The following RFTN2 variants were observed in gnomAD, a reference collection of about 807,000 sequenced individuals.
The protein encoded by RFTN2 is raftlin family member 2, also known as raftlin-2.
In RFTN2, 34 loss-of-function variants were observed where a neutral mutation model predicts 52.7. The ratio of observed to expected loss-of-function variants is 0.64; its 90% confidence interval spans 0.49 to 0.86. The LOEUF (loss-of-function observed/expected upper bound fraction) is 0.86, where lower values mean the gene tolerates loss of function less well. RFTN2 is among the 40% of genes least tolerant of loss of function. The pLI is 0.00. For missense variants in RFTN2, 536 were observed against 600.1 expected, an observed-to-expected ratio of 0.89 and a Z score of 1.12; for synonymous variants, 203 against 217.7, an observed-to-expected ratio of 0.93 and a Z score of 0.59.
At chr2:197,592,426 C>T (rs1290876649) in intron 8 of RFTN2, among the ~76,000 whole-genome samples, 1 of 152,180 alleles carries the variant, frequency 6.6e-6, no homozygotes, top group African/African-American at 2.4e-5. Context: ...AACTCCCGAC[C>T]TCAGATGATC....
At chr2:197,600,389 A>G (rs997567054) in intron 7 of RFTN2, among the ~76,000 whole-genome samples, 1 of 152,138 alleles carries the variant, frequency 6.6e-6, no homozygotes, top group Non-Finnish European at 1.5e-5. Context: ...AATTTGAGAT[A>G]TGTCGGAAAC....
chr2:197,660,072 T>A (rs1490300719), intron 1 of RFTN2, among the ~76,000 whole-genome samples: 1 of 152,222 alleles, frequency 6.6e-6, no homozygotes, highest in East Asian at 1.9e-4. Flanking sequence ...ACTAGGTAAC[T>A]GGCCCAAACT....
At chr2:197,636,280 G>C (rs1453390519) in intron 3 of RFTN2, among the ~76,000 whole-genome samples, 7 of 140,130 alleles carry the variant, frequency 5.0e-5, no homozygotes, top group South Asian at 2.4e-4. Context: ...GTGAAGAAAG[G>C]CATTGGTAGC....
intron 2 of RFTN2, among the ~76,000 whole-genome samples, chr2:197,644,524 G>A (rs1478163180): frequency 2.0e-5 from 3 of 152,170 alleles, no homozygotes; most frequent in Non-Finnish European, 4.4e-5. Flanking sequence ...CTTCATGTCT[G>A]TAGTTTTAAT....
At chr2:197,674,847 A>T (rs1483640479) in intron 1 of RFTN2, among the ~76,000 whole-genome samples, 8 of 151,954 alleles carry the variant, frequency 5.3e-5, no homozygotes, top group African/African-American at 1.9e-4. Flanking sequence ...GGTCAAAAAT[A>T]TCAAATGACT....
In RFTN2 at chr2:197,636,192, T is replaced by C. The variant is rs919533628; in HGVS notation, c.439-2195A>G. Among the ~76,000 whole-genome samples, 529 of 151,822 alleles carry C rather than the reference T, an allele frequency of 3.5e-3. 1 individual carries two copies. The highest frequency in any genetic ancestry group is 5.9e-3 in the Non-Finnish European group (398 of 67,806). ...TAGTGTGATGCCTCCAGCTTTGTTCTTTTGGCTTAGGATTGCCTTGGCGAC... is the reference window on the plus strand; with the variant it reads ...TAGTGTGATGCCTCCAGCTTTGTTCCTTTGGCTTAGGATTGCCTTGGCGAC... On this transcript the variant is annotated intron_variant, in intron 3 of 8. Coordinates refer to ENST00000295049, the MANE Select transcript of RFTN2 (RefSeq NM_144629.3).
At chr2:197,610,543 T>G (rs2088039506) in intron 7 of RFTN2, among the ~76,000 whole-genome samples, 1 of 152,228 alleles carries the variant, frequency 6.6e-6, no homozygotes, top group Non-Finnish European at 1.5e-5. Context: ...AAATATACAA[T>G]CATGTCTTCT....
intron 8 of RFTN2, among the ~76,000 whole-genome samples, chr2:197,589,218 T>TC (rs1559340181): frequency 2.2e-4 from 7 of 31,198 alleles, no homozygotes; most frequent in Non-Finnish European, 3.4e-4. Context: ...TGACTCTGTC[T>TC]CAAAAAAAAA....
intron 3 of RFTN2, 79 bp downstream of exon 3, chr2:197,644,079 A>G (rs1037275944): frequency 9.4e-6 from 8 of 850,214 alleles, no homozygotes; most frequent in Middle Eastern, 4.7e-4. Flanking sequence ...TATTCTTTTT[A>G]GGGTAAAAAA....
intron 8 of RFTN2, among the ~76,000 whole-genome samples, chr2:197,595,132 G>T (rs1463446144): frequency 6.6e-6 from 1 of 152,170 alleles, no homozygotes; most frequent in African/African-American, 2.4e-5. Context: ...GTGACTTGAG[G>T]ATCAGAATAG....
Position 197,651,268 on chromosome 2 carries a change from A to G in RFTN2, c.140-4602T>C, listed in dbSNP as rs914835732. Among the ~76,000 whole-genome samples the G allele has an allele frequency of 2.0e-5, 3 of 152,200 alleles. No individual in the cohort carries two copies. In the East Asian group the frequency reaches 5.8e-4, roughly 29 times the overall value. Reference sequence around the variant, plus strand: ...ATGCACCAAAGCTTTTAAGTTTGATATAGTCCCATTTATCTATTTTTACTT... The same window carrying G: ...ATGCACCAAAGCTTTTAAGTTTGATGTAGTCCCATTTATCTATTTTTACTT... On this transcript the variant is annotated intron_variant, in intron 1 of 8. Transcript: ENST00000295049.
Position 197,633,982 on chromosome 2 carries a change from T to C in RFTN2, c.454A>G (p.Lys152Glu), listed in dbSNP as rs751310403. ...AATCCAACAAATTTCATTCCTCTTT[T>C]AGCAGCGACATTAATCTGATATTTA... ...ELIEKINVAA[K>E]RGMKFVGFIS... The change falls in exon 4 of 9, where the codon AAA becomes GAA. Residue 152 changes from lysine (K) to glutamate (E), a missense_variant. Lys to Glu is a moderately conservative substitution (Grantham distance 56). Coordinates refer to ENST00000295049, the MANE Select transcript of RFTN2 (RefSeq NM_144629.3). 6.8e-6 allele frequency: 11 copies of C among 1,611,266 alleles called. No individual in the cohort carries two copies. In the Admixed American group the frequency reaches 1.5e-4, roughly 22 times the overall value.
intron 8 of RFTN2, among the ~76,000 whole-genome samples, chr2:197,574,641 G>T (rs2087382470): frequency 1.3e-5 from 2 of 152,210 alleles, no homozygotes; most frequent in Non-Finnish European, 2.9e-5. Context: ...GCTGAGACAG[G>T]AGGAACACTT....
At chr2:197,659,437 G>T (rs1383527413) in intron 1 of RFTN2, among the ~76,000 whole-genome samples, 1 of 144,736 alleles carries the variant, frequency 6.9e-6, no homozygotes, top group Non-Finnish European at 1.5e-5. Context: ...AGACCGTGCT[G>T]CTGCACTCCA....
intron 1 of RFTN2, among the ~76,000 whole-genome samples, chr2:197,648,560 G>A (rs1465352558): frequency 6.6e-6 from 1 of 152,104 alleles, no homozygotes; most frequent in East Asian, 1.9e-4. Flanking sequence ...TAACAAAATG[G>A]AAGCAACTCT....
intron 8 of RFTN2, among the ~76,000 whole-genome samples, chr2:197,591,654 G>A (rs1008343480): frequency 9.9e-5 from 15 of 152,180 alleles, no homozygotes; most frequent in African/African-American, 3.6e-4. Flanking sequence ...CACGGTGGTG[G>A]AGCGGGGGGG....
chr2:197,571,452 A>C lies in RFTN2; in HGVS notation c.*556T>G, dbSNP rs2087314975. 6.5e-6 allele frequency: 1 copy of C among 153,482 alleles called. No individual in the cohort carries two copies. Among genetic ancestry groups the C allele is most frequent in the South Asian group, 2.1e-4 (1 of 4,862 alleles). The allele number at this position is 153,482 out of a possible 1,614,324, so 9.5% of individuals were successfully genotyped here. A position where few individuals can be genotyped will look rare whatever the true frequency, so the allele number is the denominator to read the frequency against. On this transcript the variant is annotated 3_prime_UTR_variant, in exon 9 of 9. Coordinates refer to ENST00000295049, the MANE Select transcript of RFTN2 (RefSeq NM_144629.3). ...TACATAAAAAAGATTTTTTTCAAAA[A>C]ATATTTTAACACATAGGGGCTTGCT...
chr2:197,571,969 C>T lies in RFTN2; in HGVS notation c.*39G>A. ...TAAGGTCAGTTGGCAATGATTTTAA[C>T]AATTATTTACAGGGCCTTCCTTTGC... is the stretch of plus-strand genomic sequence containing the variant. On this transcript the variant is annotated 3_prime_UTR_variant, in exon 9 of 9. Coordinates refer to ENST00000295049, the MANE Select transcript of RFTN2 (RefSeq NM_144629.3). The T allele has an allele frequency of 1.3e-6, 2 of 1,591,100 alleles. No individual in the cohort carries two copies. Among genetic ancestry groups the T allele is most frequent in the Non-Finnish European group, 1.7e-6 (2 of 1,160,888 alleles).
rs916825842 is a variant in RFTN2 at position 197,646,608 on chromosome 2, C to T, written c.198G>A (p.Val66=). Residue 66 remains valine (V), a synonymous_variant, in exon 2 of 9, where the codon GTG becomes GTA. Transcript: ENST00000295049. ...INSILDIVTK[V]ENYYLKGYIV... is the part of the protein sequence containing the mutation. ...TATATCCTTTAAGATAATAGTTTTC[C>T]ACTTTTGTTACTATATCCAGAATTG... The T allele has an allele frequency of 1.6e-5, 26 of 1,612,942 alleles. No individual in the cohort carries two copies. Among genetic ancestry groups the T allele is most frequent in the Admixed American group, 3.3e-5 (2 of 59,988 alleles).
Sources: gnomAD v4.1 joint callset for allele counts (sites outside exome capture counted in the v4.1 genomes callset) on GRCh38, gnomAD v4.1.1 for gene constraint, MANE v1.5 for transcripts, NCBI Gene and HGNC (gene_info 2026-07-23, HGNC 2026-07-21) for gene names.